Variants in PLXND1 observed in about 807,000 individuals in gnomAD.
PLXND1 encodes plexin-D1.
PLXND1 carries 54 observed loss-of-function variants against 197.7 expected under a neutral mutation model. The observed-to-expected ratio is 0.27, with a 90% CI of 0.22 to 0.34. The LOEUF (loss-of-function observed/expected upper bound fraction) is 0.34. PLXND1 is among the 10% of genes least tolerant of loss of function. PLXND1 has a pLI of 1.00. For missense variants in PLXND1, 2,127 were observed against 2,699.2 expected (o/e 0.79, Z 4.70); for synonymous variants, 1,180 against 1,161.2 (o/e 1.02, Z -0.33).
chr3:129,565,265 A>T, intron 25 of PLXND1, 75 bp downstream of exon 25: 1 of 1,274,774 alleles, frequency 7.8e-7, no homozygotes, highest in Non-Finnish European at 1.1e-6. Context: ...AAGGCCTGGG[A>T]GGCCGTGGGG....
At chr3:129,587,852 A>C (rs2085482928) in intron 2 of PLXND1, among the ~76,000 whole-genome samples, 1 of 152,222 alleles carries the variant, frequency 6.6e-6, no homozygotes, top group Non-Finnish European at 1.5e-5. Flanking sequence ...AGAAGCCTCT[A>C]CACACCAACT....
At chr3:129,571,324 G>T (rs377111479) in intron 17 of PLXND1, 21 bp from the exon 18 acceptor site, 3 of 1,604,260 alleles carry the variant, frequency 1.9e-6, no homozygotes, top group African/African-American at 1.3e-5. Context: ...AGAGCCAGGG[G>T]CCCAGGCCGG....
chr3:129,568,606 T>TGG (rs1284401079), intron 20 of PLXND1, among the ~76,000 whole-genome samples: 2 of 152,242 alleles, frequency 1.3e-5, no homozygotes, highest in African/African-American at 2.4e-5. Flanking sequence ...TGAAGTACAG[T>TGG]GGCGCGATCA....
rs2085508829 is a variant in PLXND1 at position 129,589,583 on chromosome 3, C to A, written c.1312-56G>T. The A allele has an allele frequency of 2.1e-6, 3 of 1,434,186 alleles. No individual in the cohort carries two copies. The African/African-American group carries it at 4.3e-5, about 21-fold the overall frequency. The allele number at this position is 1,434,186 out of a possible 1,614,324, so 88.8% of individuals were successfully genotyped here. On this transcript the variant is annotated intron_variant, in intron 1 of 35. Transcript: ENST00000324093. ...CTCCAGAACCTTCTCCGGCTCCCCG[C>A]CCGCACAGCTGGCTGGGATCTCAGG...
Position 129,571,799 on chromosome 3 carries a change from C to G in PLXND1, c.3123G>C (p.Leu1041=). 1 of 1,613,244 alleles carries G rather than the reference C, an allele frequency of 6.2e-7. No individual in the cohort carries two copies. The highest frequency in any genetic ancestry group is 8.5e-7 in the Non-Finnish European group (1 of 1,179,884). Residue 1041 remains leucine, a synonymous_variant, in exon 16 of 36, where the codon CTG becomes CTC. Coordinates refer to ENST00000324093, the MANE Select transcript of PLXND1 (RefSeq NM_015103.3). ...SIACTMPEGA[L]PAPVPVCVRF... Reference sequence around the variant, plus strand: ...GCACACACACAGGCACCGGAGCCGGCAGGGCCCCCTCAGGCATGGTGCAGG... The same window carrying G: ...GCACACACACAGGCACCGGAGCCGGGAGGGCCCCCTCAGGCATGGTGCAGG...
At chr3:129,586,855 G>A (rs950684916) in intron 2 of PLXND1, 136 bp from the exon 3 acceptor site, 14 of 967,774 alleles carry the variant, frequency 1.4e-5, no homozygotes, top group Admixed American at 6.5e-5. Context: ...GGGAAGTCAC[G>A]GGCGTGCAGG....
In PLXND1 at chr3:129,578,516, G is replaced by A. The variant is rs1218318046; in HGVS notation, c.2242-83C>T. 3.7e-6 allele frequency: 3 copies of A among 802,174 alleles called. No homozygotes were observed. In the African/African-American group the frequency reaches 5.2e-5, roughly 14 times the overall value. 49.7% of individuals were successfully genotyped at this position (802,174 alleles called of 1,614,324 possible). A position where few individuals can be genotyped will look rare whatever the true frequency, so the allele number is the denominator to read the frequency against. Reference sequence around the variant, plus strand: ...GGACTCACTGCACCCCAGCCTGCCTGGTTCAGTCCTGCCTTCCTGAGGAGA... The same window carrying A: ...GGACTCACTGCACCCCAGCCTGCCTAGTTCAGTCCTGCCTTCCTGAGGAGA... On this transcript the variant is annotated intron_variant, in intron 8 of 35. Coordinates refer to ENST00000324093, the MANE Select transcript of PLXND1 (RefSeq NM_015103.3).
intron 1 of PLXND1, among the ~76,000 whole-genome samples, chr3:129,602,305 T>C (rs2085720366): frequency 6.6e-6 from 1 of 152,124 alleles, no homozygotes; most frequent in Non-Finnish European, 1.5e-5. Context: ...CCTTGTGTCA[T>C]GTGCTTCCCA....
chr3:129,584,108 C>A lies in PLXND1; in HGVS notation c.2138+17G>T. ...CCTCCCTCCACCAACTGGAGGCAAG[C>A]CACCCAAGCCACTCACGCTGTGTGG... On this transcript the variant is annotated intron_variant, in intron 7 of 35. Transcript: ENST00000324093. 6.6e-7 allele frequency: 1 copy of A among 1,519,442 alleles called. No individual in the cohort carries two copies. Among genetic ancestry groups the A allele is most frequent in the African/African-American group, 1.4e-5 (1 of 72,740 alleles). The allele number at this position is 1,519,442 out of a possible 1,614,324, so 94.1% of individuals were successfully genotyped here.
rs192137792 is a variant in PLXND1 at position 129,556,586 on chromosome 3, G to A, written c.5661+31C>T. 7.1e-5 allele frequency: 109 copies of A among 1,524,532 alleles called. 1 individual carries two copies. The highest frequency in any genetic ancestry group is 6.6e-4 in the South Asian group (59 of 88,852). 94.4% of individuals were successfully genotyped at this position (1,524,532 alleles called of 1,614,324 possible). A position where few individuals can be genotyped will look rare whatever the true frequency, so the allele number is the denominator to read the frequency against. On this transcript the variant is annotated intron_variant, in intron 35 of 35. Transcript: ENST00000324093. ...CTTGAGTAGGAAGCTCACCTACCCC[G>A]AGGGCAGGTGCCTCACCCTGGGGCA...
intron 1 of PLXND1, among the ~76,000 whole-genome samples, chr3:129,598,900 A>G (rs1371387065): frequency 1.3e-5 from 2 of 152,118 alleles, no homozygotes; most frequent in Non-Finnish European, 2.9e-5. Context: ...GATAACAGTC[A>G]TGTCATTCAG....
At chr3:129,587,710 G>A (rs1018989704) in intron 2 of PLXND1, among the ~76,000 whole-genome samples, 2 of 152,150 alleles carry the variant, frequency 1.3e-5, no homozygotes, top group Non-Finnish European at 2.9e-5. Context: ...GATCTAACCC[G>A]GACAACCCCA....
chr3:129,569,701 G>A (rs1036318402), intron 20 of PLXND1, 142 bp downstream of exon 20: 4 of 633,658 alleles, frequency 6.3e-6, no homozygotes, highest in Non-Finnish European at 1.2e-5. Context: ...ACCTCTGGGT[G>A]CCTAACCTGT....
In PLXND1 at chr3:129,575,799, C is replaced by T. The variant is rs763892098; in HGVS notation, c.2403G>A (p.Val801=). Reference sequence around the variant, plus strand: ...GGTCACAGCGTACAACAGACTCATTCACCCACACAGCCTCGAAGATCTCCT... The same window carrying T: ...GGTCACAGCGTACAACAGACTCATTTACCCACACAGCCTCGAAGATCTCCT... ...GLEEIFEAVW[V]NESVVRCDQV... Residue 801 remains valine (V), a synonymous_variant, in exon 10 of 36, where the codon GTG becomes GTA. Coordinates refer to ENST00000324093, the MANE Select transcript of PLXND1 (RefSeq NM_015103.3). 1.3e-5 allele frequency: 21 copies of T among 1,613,514 alleles called. No homozygotes were observed. The highest frequency in any genetic ancestry group is 6.7e-5 in the African/African-American group (5 of 74,880).
At chr3:129,573,506 G>T in intron 13 of PLXND1, 88 bp downstream of exon 13, 1 of 1,311,254 alleles carries the variant, frequency 7.6e-7, no homozygotes, top group African/African-American at 1.4e-5. Flanking sequence ...GCAGAGTGAG[G>T]ACAGAGGATG....
At position 129,563,668 on chromosome 3, in the gene PLXND1, G is replaced by A. The variant is rs565668718; in HGVS notation, c.4522-428C>T. 5.9e-5 allele frequency among the ~76,000 whole-genome samples: 9 copies of A among 152,286 alleles called. No homozygotes were observed. The East Asian group carries it at 1.7e-3, about 29-fold the overall frequency. Reference sequence around the variant, plus strand: ...TAGGTGGACCCGAAACACCGATGTGGCCTCGACCCCACTTGCAGGCTGATG... The same window carrying A: ...TAGGTGGACCCGAAACACCGATGTGACCTCGACCCCACTTGCAGGCTGATG... On this transcript the variant is annotated intron_variant, in intron 25 of 35. Coordinates refer to ENST00000324093, the MANE Select transcript of PLXND1 (RefSeq NM_015103.3).
In PLXND1 at chr3:129,573,492, A is replaced by G. The variant is rs377397239; in HGVS notation, c.2837+102T>C. ...GCCACGAAGCAACAGTCTTCCAGAA[A>G]GCAGCAGAGTGAGGACAGAGGATGG... On this transcript the variant is annotated intron_variant, in intron 13 of 35. Transcript: ENST00000324093. 8.3e-5 allele frequency: 99 copies of G among 1,192,320 alleles called. 3 individuals carry two copies. In the South Asian group the frequency reaches 1.3e-3, roughly 16 times the overall value. The allele number at this position is 1,192,320 out of a possible 1,614,324, so 73.9% of individuals were successfully genotyped here.
At chr3:129,595,830 A>G (rs2085612211) in intron 1 of PLXND1, among the ~76,000 whole-genome samples, 1 of 152,046 alleles carries the variant, frequency 6.6e-6, no homozygotes, top group Admixed American at 6.5e-5. Context: ...GACAAGCCCC[A>G]GGCTTAGGTC....
In PLXND1 at chr3:129,556,700, A is replaced by G. The variant is rs1484123427; in HGVS notation, c.5587-9T>C. On this transcript the variant is annotated splice_polypyrimidine_tract_variant and intron_variant, in intron 34 of 35. Transcript: ENST00000324093. The stretch of plus-strand genomic sequence containing the variant: ...AACTCATTCTGGTATTTCTATAAGG[A>G]GGCAGGATGGGGAGGAGGTTAGCCC... 1.9e-5 allele frequency: 30 copies of G among 1,603,830 alleles called. No homozygotes were observed. Among genetic ancestry groups the G allele is most frequent in the Non-Finnish European group, 2.6e-5 (30 of 1,171,764 alleles).
Sources: allele counts gnomAD v4.1 joint callset (sites outside exome capture counted in the v4.1 genomes callset), GRCh38; gene constraint gnomAD v4.1.1; transcripts MANE v1.5; gene names NCBI Gene and HGNC (gene_info 2026-07-23, HGNC 2026-07-21).